The following EGFR variants were observed in gnomAD, a reference collection of about 807,000 sequenced individuals.
EGFR encodes avian erythroblastic leukemia viral (v-erb-b) oncogene homolog.
In EGFR, 58 loss-of-function variants were observed where a neutral mutation model predicts 143.0. The observed-to-expected ratio is 0.41, with a 90% CI of 0.33 to 0.50. The LOEUF (loss-of-function observed/expected upper bound fraction) is 0.50. Ranked by LOEUF, EGFR falls within the 20% of genes least tolerant of loss-of-function variation. The pLI is 0.39. For missense variants in EGFR, 1,307 were observed against 1,579.0 expected, an observed-to-expected ratio of 0.83 and a Z score of 2.92; for synonymous variants, 613 against 594.4, an observed-to-expected ratio of 1.03 and a Z score of -0.45.
At chr7:55,121,117 G>A (rs1291119117) in intron 1 of EGFR, among the ~76,000 whole-genome samples, 1 of 152,178 alleles carries the variant, frequency 6.6e-6, no homozygotes, top group African/African-American at 2.4e-5. Context: ...ACTGTGCAGG[G>A]ATGAAGTCTC....
At chr7:55,156,396 T>C in intron 8 of EGFR, 137 bp from the exon 9 acceptor site, 2 of 1,259,342 alleles carry the variant, frequency 1.6e-6, no homozygotes, top group South Asian at 1.2e-5. Flanking sequence ...TCAGTGTTTG[T>C]TGAGTGAATG....
chr7:55,155,697 T>C, intron 7 of EGFR, 133 bp from the exon 8 acceptor site: 1 of 781,488 alleles, frequency 1.3e-6, no homozygotes, highest in Admixed American at 1.7e-5. Flanking sequence ...TTTCATTCTT[T>C]GTCCTTAAAG....
intron 1 of EGFR, among the ~76,000 whole-genome samples, chr7:55,022,699 C>T (rs1786646196): frequency 1.3e-5 from 2 of 152,236 alleles, no homozygotes; most frequent in Admixed American, 1.3e-4. Context: ...TAGACCCACA[C>T]TGCCGTAGCA....
rs1161859392 is a variant in EGFR, at chr7:55,065,930, T to G, written c.88+46565T>G. 4.6e-5 allele frequency among the ~76,000 whole-genome samples: 7 copies of G among 151,754 alleles called. No individual in the cohort carries two copies. The East Asian group carries it at 1.3e-3, about 29-fold the overall frequency. The stretch of plus-strand genomic sequence containing the variant: ...GCATTCCTTTCGCTCTTGCCTTCCT[T>G]TAGAACCCTGGAGAAGGCCTCCTGA... On this transcript the variant is annotated intron_variant, in intron 1 of 27. Coordinates refer to ENST00000275493, the MANE Select transcript of EGFR (RefSeq NM_005228.5).
Position 55,165,322 on chromosome 7 carries a change from C to G in EGFR, c.1765C>G (p.Pro589Ala), listed in dbSNP as rs1235180640. The G allele has an allele frequency of 6.2e-7, 1 of 1,614,128 alleles. No individual in the cohort carries two copies. The highest frequency in any genetic ancestry group is 1.7e-5 in the Admixed American group (1 of 60,018). Residue 589 changes from proline (P) to alanine (A), a missense_variant, in exon 15 of 28, where the codon CCC (proline) becomes GCC (alanine). By Grantham distance (27) the Pro-to-Ala change is conservative (BLOSUM62 -1). Transcript: ENST00000275493. The part of the protein sequence containing the change: ...CIQCAHYIDG[P>A]HCVKTCPAGV... ...CCAGTGTGCCCACTACATTGACGGC[C>G]CCCACTGCGTCAAGACCTGCCCGGC...
intron 1 of EGFR, among the ~76,000 whole-genome samples, chr7:55,076,940 A>G (rs1022669162): frequency 6.6e-6 from 1 of 151,784 alleles, no homozygotes; most frequent in Admixed American, 6.6e-5. Context: ...GCAGCCAAAG[A>G]CCTAAGCCAT....
intron 6 of EGFR, among the ~76,000 whole-genome samples, chr7:55,153,071 A>G (rs1359698299): frequency 6.6e-6 from 1 of 152,296 alleles, no homozygotes; most frequent in African/African-American, 2.4e-5. Context: ...CTATACCTCT[A>G]GAGACTTGAC....
intron 1 of EGFR, among the ~76,000 whole-genome samples, chr7:55,097,756 C>A (rs1027192608): frequency 2.0e-5 from 3 of 152,008 alleles, no homozygotes; most frequent in African/African-American, 7.3e-5. Flanking sequence ...TTGTGCCCAA[C>A]TAGGGACAGC....
intron 15 of EGFR, chr7:55,168,687 T>G (rs751327742): frequency 2.6e-6 from 3 of 1,155,910 alleles, no homozygotes; most frequent in Non-Finnish European, 3.6e-6. Context: ...ACATTCCTGA[T>G]TCTGAGCCTT....
chr7:55,104,691 A>G (rs1792026169), intron 1 of EGFR, among the ~76,000 whole-genome samples: 1 of 152,190 alleles, frequency 6.6e-6, no homozygotes, highest in Admixed American at 6.5e-5. Flanking sequence ...GTGCCTAGGC[A>G]CTGCCCCTCT....
chr7:55,047,723 C>T (rs1788261876), intron 1 of EGFR, among the ~76,000 whole-genome samples: 1 of 152,166 alleles, frequency 6.6e-6, no homozygotes, highest in African/African-American at 2.4e-5. Flanking sequence ...TGTACTCCAG[C>T]CTGGGCAACA....
chr7:55,041,932 C>T (rs1295095806), intron 1 of EGFR, among the ~76,000 whole-genome samples: 2 of 152,094 alleles, frequency 1.3e-5, no homozygotes, highest in Admixed American at 6.5e-5. Flanking sequence ...ACAATTAAAC[C>T]TCTTCATATA....
In EGFR at chr7:55,155,927, C is replaced by T. The variant is rs748801348; in HGVS notation, c.987C>T (p.Cys329=). ...EEDGVRKCKK[C]EGPCRKVCNG... ...ACGGCGTCCGCAAGTGTAAGAAGTG[C>T]GAAGGGCCTTGCCGCAAAGGTAGGA... The change falls in exon 8 of 28, where the codon TGC becomes TGT. Residue 329 remains cysteine (C), a synonymous_variant. Coordinates refer to ENST00000275493, the MANE Select transcript of EGFR (RefSeq NM_005228.5). 4.3e-6 allele frequency: 7 copies of T among 1,613,782 alleles called. No individual in the cohort carries two copies. The highest frequency in any genetic ancestry group is 2.2e-5 in the East Asian group (1 of 44,858).
intron 1 of EGFR, among the ~76,000 whole-genome samples, chr7:55,032,503 G>A (rs1044641413): frequency 5.9e-5 from 9 of 152,284 alleles, no homozygotes; most frequent in Middle Eastern, 3.4e-3. Context: ...GCAGGCAGCG[G>A]CCTGGCATCC....
At chr7:55,122,998 C>CA (rs1180006544) in intron 1 of EGFR, among the ~76,000 whole-genome samples, 1 of 152,216 alleles carries the variant, frequency 6.6e-6, no homozygotes, top group African/African-American at 2.4e-5. Context: ...ACCTTCAATG[C>CA]AAAGATCTCA....
chr7:55,194,022 T>A (rs1399896611), intron 22 of EGFR, among the ~76,000 whole-genome samples: 4 of 152,168 alleles, frequency 2.6e-5, no homozygotes, highest in Non-Finnish European at 4.4e-5. Flanking sequence ...AAAGGTCTGC[T>A]GATGCATTGT....
chr7:55,160,949 G>A (rs988131715), intron 12 of EGFR, among the ~76,000 whole-genome samples: 1 of 152,204 alleles, frequency 6.6e-6, no homozygotes, highest in Non-Finnish European at 1.5e-5. Flanking sequence ...ATTCCTGTGT[G>A]TAAAACCCTT....
chr7:55,154,221 C>T (rs1322004361), intron 7 of EGFR, 69 bp downstream of exon 7: 1 of 1,603,850 alleles, frequency 6.2e-7, no homozygotes, highest in African/African-American at 1.3e-5. Flanking sequence ...CTGCTGAGCC[C>T]TGGAGTATCC....
At chr7:55,028,246 C>T (rs901098783) in intron 1 of EGFR, among the ~76,000 whole-genome samples, 65 of 151,966 alleles carry the variant, frequency 4.3e-4, no homozygotes, top group Admixed American at 6.6e-5. Flanking sequence ...AATTTCTTTC[C>T]TTTACTCCAG....
Sources: allele counts gnomAD v4.1 joint callset (sites outside exome capture counted in the v4.1 genomes callset), GRCh38; gene constraint gnomAD v4.1.1; transcripts MANE v1.5; gene names NCBI Gene and HGNC (gene_info 2026-07-23, HGNC 2026-07-21).